The following ITGBL1 variants were observed in gnomAD, a reference collection of about 807,000 sequenced individuals.
The protein encoded by ITGBL1 is integrin subunit beta like 1.
In ITGBL1, 51 loss-of-function variants were observed where a neutral mutation model predicts 68.5. The observed-to-expected ratio is 0.74, with a 90% CI of 0.59 to 0.94. The LOEUF (loss-of-function observed/expected upper bound fraction) is 0.94. Ranked by LOEUF, ITGBL1 falls within the 40% of genes least tolerant of loss-of-function variation. The pLI is 0.00. For synonymous variants in ITGBL1, 209 were observed against 227.3 expected, an observed-to-expected ratio of 0.92 and a Z score of 0.72; for missense variants, 649 against 647.4, an observed-to-expected ratio of 1.00 and a Z score of -0.03.
intron 2 of ITGBL1, among the ~76,000 whole-genome samples, chr13:101,512,629 C>T (rs2049133635): frequency 6.6e-6 from 1 of 152,078 alleles, no homozygotes; most frequent in African/African-American, 2.4e-5. Flanking sequence ...AGGACCCTTC[C>T]CATGGGGTGG....
At chr13:101,695,893 A>T (rs556870475) in intron 8 of ITGBL1, among the ~76,000 whole-genome samples, 15 of 152,328 alleles carry the variant, frequency 9.8e-5, no homozygotes, top group African/African-American at 3.6e-4. Flanking sequence ...GAATTGAACT[A>T]TAAGCAGCTG....
chr13:101,481,866 G>T (rs1277300070), intron 2 of ITGBL1, among the ~76,000 whole-genome samples: 2 of 152,068 alleles, frequency 1.3e-5, no homozygotes, highest in African/African-American at 4.8e-5. Flanking sequence ...TGTATACAAT[G>T]TATAATGATC....
At chr13:101,652,768 C>T (rs1182803224) in intron 7 of ITGBL1, among the ~76,000 whole-genome samples, 1 of 152,082 alleles carries the variant, frequency 6.6e-6, no homozygotes, top group Non-Finnish European at 1.5e-5. Context: ...AATAGACGCA[C>T]CAAAGTTACC....
intron 2 of ITGBL1, among the ~76,000 whole-genome samples, chr13:101,481,079 T>TAC (rs779796640): frequency 1.1e-4 from 5 of 46,636 alleles, no homozygotes; most frequent in Admixed American, 5.8e-4. Flanking sequence ...TACATATATA[T>TAC]ACACACATAT....
intron 2 of ITGBL1, among the ~76,000 whole-genome samples, chr13:101,494,664 A>G (rs1459183166): frequency 6.6e-6 from 1 of 152,208 alleles, no homozygotes; most frequent in Non-Finnish European, 1.5e-5. Context: ...TATAAAATAA[A>G]TGATAGCATA....
intron 6 of ITGBL1, 77 bp downstream of exon 6, chr13:101,583,433 ATT>A: frequency 1.6e-5 from 19 of 1,198,158 alleles, no homozygotes; most frequent in Non-Finnish European, 2.2e-5. Flanking sequence ...AAAAAAAGCA[ATT>A]AGAAAGAATA....
chr13:101,488,580 C>T (rs543675486), intron 2 of ITGBL1, among the ~76,000 whole-genome samples: 8 of 152,262 alleles, frequency 5.3e-5, no homozygotes, highest in South Asian at 2.1e-4. Flanking sequence ...CTTGTCTAAG[C>T]GGAAGAACAG....
At chr13:101,481,279 G>A (rs977736457) in intron 2 of ITGBL1, among the ~76,000 whole-genome samples, 8 of 151,548 alleles carry the variant, frequency 5.3e-5, no homozygotes, top group Admixed American at 4.6e-4. Flanking sequence ...CATCACTCTT[G>A]GGATAAATAG....
intron 8 of ITGBL1, chr13:101,693,064 A>G (rs1317819563): frequency 1.1e-5 from 2 of 184,348 alleles, no homozygotes; most frequent in African/African-American, 2.4e-5. Context: ...ACAAACTTGA[A>G]AAAATGGAGT....
At chr13:101,549,437 A>G (rs1202071077) in intron 2 of ITGBL1, among the ~76,000 whole-genome samples, 1 of 151,984 alleles carries the variant, frequency 6.6e-6, no homozygotes, top group African/African-American at 2.4e-5. Context: ...TTCAAGCAAT[A>G]AATATTAAAA....
chr13:101,610,967 G>C (rs2031099057), intron 7 of ITGBL1, among the ~76,000 whole-genome samples: 1 of 152,136 alleles, frequency 6.6e-6, no homozygotes, highest in Non-Finnish European at 1.5e-5. Flanking sequence ...GGACATCCCA[G>C]GTAGGAGGAA....
chr13:101,475,083 A>G (rs1279484628), intron 2 of ITGBL1, among the ~76,000 whole-genome samples: 1 of 152,178 alleles, frequency 6.6e-6, no homozygotes, highest in Non-Finnish European at 1.5e-5. Context: ...GACCTCACCA[A>G]ACAAACTGAA....
At chr13:101,674,714 C>G (rs2033460076) in intron 7 of ITGBL1, among the ~76,000 whole-genome samples, 2 of 151,806 alleles carry the variant, frequency 1.3e-5, no homozygotes, top group Non-Finnish European at 2.9e-5. Flanking sequence ...TTTCTGGGTT[C>G]AAAGTTCATG....
At chr13:101,651,325 T>G (rs1186967380) in intron 7 of ITGBL1, among the ~76,000 whole-genome samples, 1 of 152,210 alleles carries the variant, frequency 6.6e-6, no homozygotes, top group Non-Finnish European at 1.5e-5. Context: ...TCTTGACTTT[T>G]TAATAAAGGC....
intron 8 of ITGBL1, 32 bp from the exon 9 acceptor site, chr13:101,706,724 C>T: frequency 6.3e-7 from 1 of 1,597,472 alleles, no homozygotes. Context: ...ATTTCCTCAT[C>T]CTCTCACTCC....
chr13:101,600,619 C>T lies in ITGBL1; in HGVS notation c.1015+2320C>T, dbSNP rs542665767. 3.4e-3 allele frequency among the ~76,000 whole-genome samples: 515 copies of T among 152,202 alleles called. 1 individual carries two copies. Among genetic ancestry groups the T allele is most frequent in the Non-Finnish European group, 4.9e-3 (331 of 68,020 alleles). On this transcript the variant is annotated intron_variant, in intron 7 of 10. Transcript: ENST00000376180. ...TATTTTGAGATACATCCCATCAATA[C>T]CTAATTTATTGAGAGTTTTTAGCAT... is the stretch of plus-strand genomic sequence containing the variant.
At chr13:101,669,971 C>T (rs1049007795) in intron 7 of ITGBL1, among the ~76,000 whole-genome samples, 1 of 152,136 alleles carries the variant, frequency 6.6e-6, no homozygotes, top group African/African-American at 2.4e-5. Flanking sequence ...GTGACTCTCT[C>T]CATTGACTTT....
At chr13:101,508,286 G>A (rs986294160) in intron 2 of ITGBL1, among the ~76,000 whole-genome samples, 3 of 152,052 alleles carry the variant, frequency 2.0e-5, no homozygotes, top group Admixed American at 1.3e-4. Context: ...TTTGTAATAC[G>A]ATCAATTCAC....
chr13:101,671,085 A>G (rs1299267095), intron 7 of ITGBL1, among the ~76,000 whole-genome samples: 4 of 152,290 alleles, frequency 2.6e-5, no homozygotes, highest in Non-Finnish European at 5.9e-5. Flanking sequence ...CTACTGTTAC[A>G]GTTTTGTTTC....
Sources: gnomAD v4.1 joint callset for allele counts (sites outside exome capture counted in the v4.1 genomes callset) on GRCh38, gnomAD v4.1.1 for gene constraint, MANE v1.5 for transcripts, NCBI Gene and HGNC (gene_info 2026-07-23, HGNC 2026-07-21) for gene names.